The following UBA7 variants were observed in gnomAD, a reference collection of about 807,000 sequenced individuals.
The protein encoded by UBA7 is ubiquitin-like modifier-activating enzyme 7.
In UBA7, 88 loss-of-function variants were observed where a neutral mutation model predicts 113.0. The ratio of observed to expected loss-of-function variants is 0.78; its 90% confidence interval spans 0.66 to 0.93. The LOEUF (loss-of-function observed/expected upper bound fraction) is 0.93, where lower values mean the gene tolerates loss of function less well. UBA7 is among the 40% of genes least tolerant of loss of function. UBA7 has a pLI of 0.00. For synonymous variants in UBA7, 459 were observed against 513.0 expected, an observed-to-expected ratio of 0.89 and a Z score of 1.42; for missense variants, 1,092 against 1,266.4, an observed-to-expected ratio of 0.86 and a Z score of 2.09.
Position 49,809,848 on chromosome 3 carries a change from C to T in UBA7, c.1871G>A (p.Arg624Gln), listed in dbSNP as rs371092189. Residue 624 changes from arginine (R) to glutamine (Q), a missense_variant, in exon 15 of 24, where the codon CGA (arginine) becomes CAA (glutamine). Physicochemically the swap from Arg to Gln is conservative, Grantham distance 43 (BLOSUM62 1). Around this residue, in one of 3 missense-constraint regions of UBA7, gnomAD observed 500 missense variants for 529.3 expected, o/e 0.94. Coordinates refer to ENST00000333486, the MANE Select transcript of UBA7 (RefSeq NM_003335.3). The stretch of plus-strand genomic sequence containing the variant: ...GTGGTTGATGGTCTCTGCAGACAGT[C>T]GGAAGAGTTCTTCAAACTCATGCCG... Reference protein sequence around the residue: ...WARHEFEELFRLSAETINHHQ... With the variant: ...WARHEFEELFQLSAETINHHQ... The T allele has an allele frequency of 2.8e-5, 45 of 1,613,954 alleles. No homozygotes were observed. In the East Asian group the frequency reaches 6.9e-4, roughly 25 times the overall value.
At position 49,812,115 on chromosome 3, in the gene UBA7, C is replaced by G. The variant is rs1260227892; in HGVS notation, c.786G>C (p.Val262=). ...AITEVKRPKT[V]RHKSLDTALL... The stretch of plus-strand genomic sequence containing the variant: ...CAGATGCACTTGCACTCACATGTCT[C>G]ACAGTCTTGGGTCTCTTGACTTCAG... Residue 262 remains valine, a synonymous_variant, in exon 7 of 24, where the codon GTG becomes GTC. Transcript: ENST00000333486. 1 of 1,614,230 alleles carries G rather than the reference C, an allele frequency of 6.2e-7. No homozygotes were observed. The highest frequency in any genetic ancestry group is 1.1e-5 in the South Asian group (1 of 91,088).
At position 49,810,905 on chromosome 3, in the gene UBA7, G is replaced by C. The variant is rs2081534322; in HGVS notation, c.1231-73C>G. On this transcript the variant is annotated intron_variant, in intron 10 of 23. Coordinates refer to ENST00000333486, the MANE Select transcript of UBA7 (RefSeq NM_003335.3). This position sits in a 1 kb window ranked among gnomAD's most constrained non-coding sequence, Gnocchi z 5.6. ...TTCTTATACTGAGTTTTCTGAATCA[G>C]GACCTGGAGGGCATTCCTCATGCTT... is the stretch of plus-strand genomic sequence containing the variant. 9.9e-6 allele frequency: 16 copies of C among 1,610,222 alleles called. No homozygotes were observed. Among genetic ancestry groups the C allele is most frequent in the Non-Finnish European group, 1.3e-5 (15 of 1,176,606 alleles).
chr3:49,809,914 G>A (rs200111600), intron 14 of UBA7, 35 bp from the exon 15 acceptor site: 5 of 1,614,160 alleles, frequency 3.1e-6, no homozygotes, highest in Admixed American at 3.3e-5. Context: ...GGTATCAGGT[G>A]GAGAACAGGT....
intron 4 of UBA7, 83 bp downstream of exon 4, chr3:49,812,979 A>C (rs1357912623): frequency 2.7e-6 from 4 of 1,492,580 alleles, no homozygotes; most frequent in Non-Finnish European, 3.7e-6. Context: ...TTGGAGGGGC[A>C]CTGGAGCAAG....
intron 18 of UBA7, 120 bp downstream of exon 18, chr3:49,808,856 G>T: frequency 7.6e-7 from 1 of 1,311,054 alleles, no homozygotes; most frequent in Non-Finnish European, 1.0e-6. Context: ...GGAGGCCTGA[G>T]AGGTAGCAAA....
chr3:49,810,049 C>T lies in UBA7; in HGVS notation c.1768G>A (p.Ala590Thr). The T allele has an allele frequency of 6.2e-7, 1 of 1,613,720 alleles. No homozygotes were observed. The change falls in exon 14 of 24, where the codon GCT (alanine) becomes ACT (threonine). Residue 590 changes from alanine to threonine, a missense_variant. Physicochemically the swap from Ala to Thr is moderately conservative, Grantham distance 58. Transcript: ENST00000333486. The surrounding 1 kb of genome is among the most constrained non-coding windows in gnomAD (Gnocchi z 5.6). ...EAYRAPASAA[A>T]SEDAPYPVCT... is the part of the protein sequence containing the mutation. ...ACAGGGTAGGGGGCATCCTCAGAAG[C>T]TGCAGCTGAGGCAGGGGCTCTGTAG...
chr3:49,807,605 G>A lies in UBA7; in HGVS notation c.2715+131C>T. The A allele has an allele frequency of 8.3e-7, 1 of 1,206,654 alleles. No individual in the cohort carries two copies. Among genetic ancestry groups the A allele is most frequent in the South Asian group, 1.6e-5 (1 of 62,210 alleles). 74.7% of individuals were successfully genotyped at this position (1,206,654 alleles called of 1,614,324 possible). ...CTGGCTTCATAGCAGGAAGAGGGCTGGAGGGAGTCTTCAGGACTTCTGCAC... is the reference window on the plus strand; with the variant it reads ...CTGGCTTCATAGCAGGAAGAGGGCTAGAGGGAGTCTTCAGGACTTCTGCAC... On this transcript the variant is annotated intron_variant, in intron 21 of 23. Transcript: ENST00000333486. The surrounding 1 kb of genome is among the most constrained non-coding windows in gnomAD (Gnocchi z 4.0).
chr3:49,805,270 G>A lies in UBA7; in HGVS notation c.*38C>T, dbSNP rs190672343. 2.1e-5 allele frequency: 33 copies of A among 1,594,238 alleles called. No homozygotes were observed. Among genetic ancestry groups the A allele is most frequent in the Admixed American group, 3.4e-5 (2 of 59,032 alleles). ...GCTTACAATGCAGGGCTTGGGATCC[G>A]GGGCTCCATTGAGCTAGGTGACAGG... On this transcript the variant is annotated 3_prime_UTR_variant, in exon 24 of 24. Transcript: ENST00000333486.
Position 49,810,318 on chromosome 3 carries a change from AT to A in UBA7, c.1577del (p.Asp526ValfsTer31). 1 of 1,614,150 alleles carries A rather than the reference AT, an allele frequency of 6.2e-7. No individual in the cohort carries two copies. Among genetic ancestry groups the A allele is most frequent in the South Asian group, 1.1e-5 (1 of 91,084 alleles). ...LDPTTEHIYG[D>X]NFFSRVDGVA... ...CACCATCCACACGGGAGAAAAAGTT[AT>A]CCCCATAGATGTGCTCTGTGGTGGG... On this transcript the variant is annotated frameshift_variant, in exon 13 of 24. Coordinates refer to ENST00000333486, the MANE Select transcript of UBA7 (RefSeq NM_003335.3). LOFTEE classifies it high-confidence loss of function. This position sits in a 1 kb window ranked among gnomAD's most constrained non-coding sequence, Gnocchi z 5.6.
intron 6 of UBA7, 100 bp from the exon 7 acceptor site, chr3:49,812,306 G>A: frequency 6.2e-7 from 1 of 1,607,790 alleles, no homozygotes; most frequent in Non-Finnish European, 8.5e-7. Context: ...GCTGCACCTT[G>A]TAGAAGGTGG....
chr3:49,809,223 T>A, intron 17 of UBA7, 64 bp from the exon 18 acceptor site: 1 of 1,557,044 alleles, frequency 6.4e-7, no homozygotes, highest in Non-Finnish European at 8.7e-7. Context: ...ACTGTCCATT[T>A]GTGGATCTGT....
rs769632814 is a variant in UBA7 at position 49,809,679 on chromosome 3, A to G, written c.1951T>C (p.Leu651=). 1 of 1,614,136 alleles carries G rather than the reference A, an allele frequency of 6.2e-7. No homozygotes were observed. The highest frequency in any genetic ancestry group is 1.1e-5 in the South Asian group (1 of 91,082). The change falls in exon 16 of 24, where the codon TTA becomes CTA. Residue 651 remains leucine, a synonymous_variant. Coordinates refer to ENST00000333486, the MANE Select transcript of UBA7 (RefSeq NM_003335.3). ...AGGACCCCAAGCACTGGCTTCAGTAAGGTGAGTGTCTGTGGCTCATCCATG... is the reference window on the plus strand; with the variant it reads ...AGGACCCCAAGCACTGGCTTCAGTAGGGTGAGTGTCTGTGGCTCATCCATG... The part of the protein sequence containing the change: ...ADMDEPQTLT[L]LKPVLGVLRV...
rs751810163 is a variant in UBA7 at position 49,809,313 on chromosome 3, G to A, written c.2163+77C>T. On this transcript the variant is annotated intron_variant, in intron 17 of 23. Transcript: ENST00000333486. ...TCTCTCTGGGCATCTGTGCATCTCT[G>A]CAGAATGCAGAAATGCCTACCTCTG... 4.4e-4 allele frequency: 689 copies of A among 1,569,388 alleles called. 6 individuals carry two copies. Among genetic ancestry groups the A allele is most frequent in the Admixed American group, 2.3e-4 (13 of 57,496 alleles).
chr3:49,813,437 C>G, intron 2 of UBA7, 42 bp downstream of exon 2: 1 of 1,608,868 alleles, frequency 6.2e-7, no homozygotes, highest in South Asian at 1.1e-5. Flanking sequence ...GGGCCGTGCC[C>G]CCACCTTGGT....
At position 49,809,882 on chromosome 3, in the gene UBA7, G is replaced by A. The variant is rs2081515641; in HGVS notation, c.1840-3C>T. The A allele has an allele frequency of 1.9e-6, 3 of 1,614,114 alleles. No individual in the cohort carries two copies. Among genetic ancestry groups the A allele is most frequent in the African/African-American group, 2.7e-5 (2 of 74,938 alleles). On this transcript the variant is annotated splice_polypyrimidine_tract_variant and splice_region_variant and intron_variant, in intron 14 of 23. Transcript: ENST00000333486. ...TCTTCAAACTCATGCCGGGCCCACTGTGGAGGAGGGAGGAAGAATGAGGTA... is the reference window on the plus strand; with the variant it reads ...TCTTCAAACTCATGCCGGGCCCACTATGGAGGAGGGAGGAAGAATGAGGTA...
chr3:49,811,900 G>T lies in UBA7; in HGVS notation c.909C>A (p.Leu303=), dbSNP rs2081553747. ...AFCALHKFQH[L]HGRPPQPWDP... ...CCCAGGGCTGGGGTGGCCGGCCATG[G>T]AGGTGCTGGAACTTGTGCAGTGCAC... is the stretch of plus-strand genomic sequence containing the variant. Residue 303 remains leucine (L), a synonymous_variant, in exon 8 of 24, where the codon CTC becomes CTA. Coordinates refer to ENST00000333486, the MANE Select transcript of UBA7 (RefSeq NM_003335.3). 3 of 1,614,108 alleles carry T rather than the reference G, an allele frequency of 1.9e-6. No individual in the cohort carries two copies. The East Asian group carries it at 6.7e-5, about 36-fold the overall frequency.
Position 49,807,619 on chromosome 3 carries a change from G to C in UBA7, c.2715+117C>G. On this transcript the variant is annotated intron_variant, in intron 21 of 23. Transcript: ENST00000333486. This position sits in a 1 kb window ranked among gnomAD's most constrained non-coding sequence, Gnocchi z 4.0. Reference sequence around the variant, plus strand: ...GGAAGAGGGCTGGAGGGAGTCTTCAGGACTTCTGCACAGTCTGAGTTTCAG... The same window carrying C: ...GGAAGAGGGCTGGAGGGAGTCTTCACGACTTCTGCACAGTCTGAGTTTCAG... 7.5e-7 allele frequency: 1 copy of C among 1,324,742 alleles called. No individual in the cohort carries two copies. Among genetic ancestry groups the C allele is most frequent in the Non-Finnish European group, 1.0e-6 (1 of 979,386 alleles). 82.1% of individuals were successfully genotyped at this position (1,324,742 alleles called of 1,614,324 possible).
In UBA7 at chr3:49,813,239, C is replaced by T; in HGVS notation, c.360+10G>A. On this transcript the variant is annotated intron_variant, in intron 3 of 23. Coordinates refer to ENST00000333486, the MANE Select transcript of UBA7 (RefSeq NM_003335.3). Reference sequence around the variant, plus strand: ...CTTCCTGCTCTTGAGGGCTGCAGGCCTGAGCTGACCTGGAAGTCCAACAGC... The same window carrying T: ...CTTCCTGCTCTTGAGGGCTGCAGGCTTGAGCTGACCTGGAAGTCCAACAGC... 1 of 1,614,004 alleles carries T rather than the reference C, an allele frequency of 6.2e-7. No homozygotes were observed. The highest frequency in any genetic ancestry group is 8.5e-7 in the Non-Finnish European group (1 of 1,179,956).
intron 4 of UBA7, 136 bp downstream of exon 4, chr3:49,812,926 G>T: frequency 8.3e-7 from 1 of 1,199,872 alleles, no homozygotes; most frequent in East Asian, 2.5e-5. Context: ...GCAGGACTGG[G>T]GACCAGAATC....
Sources: allele counts gnomAD v4.1 joint callset, GRCh38; gene constraint gnomAD v4.1.1; regional missense constraint gnomAD v4.1.1; non-coding constraint Gnocchi (gnomAD v3.1); transcripts MANE v1.5; gene names NCBI Gene and HGNC (gene_info 2026-07-23, HGNC 2026-07-21).